Variants in GLIS3 observed in about 807,000 individuals in gnomAD.
GLIS3 encodes the protein zinc finger protein GLIS3.
A neutral mutation model predicts 78.6 loss-of-function variants in GLIS3; 53 were observed. That is an observed-to-expected ratio of 0.67 (90% CI 0.54 to 0.85). GLIS3 has a LOEUF of 0.85. GLIS3 is among the 40% of genes least tolerant of loss of function. The probability of loss-of-function intolerance (pLI) is 0.00; values close to 1 mark genes in which losing one functional copy is unlikely to be tolerated. For synonymous variants in GLIS3, 684 were observed against 509.9 expected (o/e 1.34, Z -4.60); for missense variants, 1,703 against 1,231.1 (o/e 1.38, Z -5.74).
At chr9:4,269,127 G>C (rs530574974) in intron 2 of GLIS3, among the ~76,000 whole-genome samples, 43 of 152,250 alleles carry the variant, frequency 2.8e-4, no homozygotes, top group Middle Eastern at 6.8e-3. Context: ...TGACAGACAA[G>C]ACAACTCCAA....
At chr9:4,468,565 C>G in the GLIS3 span, among the ~76,000 whole-genome samples, 3 of 152,282 alleles carry the variant, frequency 2.0e-5, no homozygotes, top group Admixed American at 6.5e-5. Context: ...AAATAAAATA[C>G]TTTACAGAAA....
intron 2 of GLIS3, among the ~76,000 whole-genome samples, chr9:4,315,488 AT>A (rs1395134347): frequency 1.3e-5 from 2 of 152,164 alleles, no homozygotes; most frequent in Non-Finnish European, 1.5e-5. Context: ...ATGAACCTCT[AT>A]TTTTTAAAGC....
chr9:4,106,329 C>T (rs888200395), intron 4 of GLIS3, among the ~76,000 whole-genome samples: 2 of 151,936 alleles, frequency 1.3e-5, no homozygotes, highest in African/African-American at 2.4e-5. Flanking sequence ...TTTTTATTGT[C>T]GCTCCTGATA....
At chr9:3,955,102 T>C (rs1193727641) in intron 4 of GLIS3, among the ~76,000 whole-genome samples, 1 of 152,192 alleles carries the variant, frequency 6.6e-6, no homozygotes, top group Non-Finnish European at 1.5e-5. Flanking sequence ...CTGGAGTTAG[T>C]GGCTGTGCCA....
the GLIS3 span, among the ~76,000 whole-genome samples, chr9:4,387,621 C>G: frequency 6.6e-6 from 1 of 152,092 alleles, no homozygotes; most frequent in Admixed American, 6.5e-5. Flanking sequence ...TATCCAGGGT[C>G]CCCATAAACC....
Position 3,996,173 on chromosome 9 carries a change from T to A in GLIS3, c.1711-58984A>T, listed in dbSNP as rs116081397. On this transcript the variant is annotated intron_variant, in intron 4 of 10. Transcript: ENST00000381971. The stretch of plus-strand genomic sequence containing the variant: ...ATTGCATGCAATTTACACATACCTT[T>A]CAAGAGCAAGAATGAAATAAAAATG... Among the ~76,000 whole-genome samples the A allele has an allele frequency of 7.5e-3, 1,147 of 152,086 alleles. 11 individuals carry two copies. Among genetic ancestry groups the A allele is most frequent in the African/African-American group, 0.025 (1,054 of 41,472 alleles).
At chr9:4,056,094 A>G (rs1247117429) in intron 4 of GLIS3, among the ~76,000 whole-genome samples, 1 of 152,220 alleles carries the variant, frequency 6.6e-6, no homozygotes, top group Non-Finnish European at 1.5e-5. Context: ...GGCATCATCC[A>G]GCCCCCATTT....
chr9:4,168,181 A>G (rs1816041969), intron 2 of GLIS3, among the ~76,000 whole-genome samples: 1 of 151,212 alleles, frequency 6.6e-6, no homozygotes. Flanking sequence ...TCTCTCTTAC[A>G]CACACACACA....
At chr9:3,970,380 ACT>A (rs750366526) in intron 4 of GLIS3, among the ~76,000 whole-genome samples, 6 of 152,120 alleles carry the variant, frequency 3.9e-5, no homozygotes, top group Non-Finnish European at 8.8e-5. Flanking sequence ...TTGACAGAAG[ACT>A]CTTGATAATT....
chr9:4,224,721 GT>G (rs5896053), intron 2 of GLIS3, among the ~76,000 whole-genome samples: 1,738 of 141,874 alleles, frequency 0.012, 31 homozygotes, highest in African/African-American at 0.036. Context: ...ATCTTTTTCT[GT>G]TTTTTTTTTT....
the GLIS3 span, among the ~76,000 whole-genome samples, chr9:4,355,354 G>C: frequency 2.0e-5 from 3 of 152,082 alleles, no homozygotes; most frequent in African/African-American, 7.2e-5. Context: ...GCTCATTTAG[G>C]CAATGCATAT....
chr9:3,988,849 G>C (rs1819987534), intron 4 of GLIS3, among the ~76,000 whole-genome samples: 1 of 152,066 alleles, frequency 6.6e-6, no homozygotes, highest in African/African-American at 2.4e-5. Context: ...TTAGGATTTA[G>C]AGTTAGGCAA....
chr9:3,939,623 G>A (rs1045883428), intron 4 of GLIS3, among the ~76,000 whole-genome samples: 30 of 152,020 alleles, frequency 2.0e-4, no homozygotes, highest in Admixed American at 1.5e-3. Flanking sequence ...AAGATTATCC[G>A]TAAAATAATC....
chr9:4,118,955 A>C lies in GLIS3; in HGVS notation c.597-74T>G. The C allele has an allele frequency of 7.6e-6, 11 of 1,449,208 alleles. No homozygotes were observed. Among genetic ancestry groups the C allele is most frequent in the Non-Finnish European group, 1.0e-5 (11 of 1,062,688 alleles). The allele number at this position is 1,449,208 out of a possible 1,614,324, so 89.8% of individuals were successfully genotyped here. ...CAGGATACGGATTGCTTAAGAGCTAAAAGAACACTGCATTGACAATCCCTT... is the reference window on the plus strand; with the variant it reads ...CAGGATACGGATTGCTTAAGAGCTACAAGAACACTGCATTGACAATCCCTT... On this transcript the variant is annotated intron_variant, in intron 3 of 10. Coordinates refer to ENST00000381971, the MANE Select transcript of GLIS3 (RefSeq NM_001042413.2). The surrounding 1 kb of genome is among the most constrained non-coding windows in gnomAD (Gnocchi z 4.7).
At chr9:4,146,993 C>T (rs575949430) in intron 2 of GLIS3, among the ~76,000 whole-genome samples, 38 of 152,290 alleles carry the variant, frequency 2.5e-4, no homozygotes, top group African/African-American at 8.9e-4. Flanking sequence ...AGATCTTATA[C>T]CAAATTAAAG....
chr9:3,843,706 A>G (rs2130100252), intron 9 of GLIS3, among the ~76,000 whole-genome samples: 1 of 152,326 alleles, frequency 6.6e-6, no homozygotes, highest in East Asian at 1.9e-4. Flanking sequence ...CCTCATGGGT[A>G]TTGACAAAAA....
intron 4 of GLIS3, among the ~76,000 whole-genome samples, chr9:4,066,451 G>C (rs1827104414): frequency 6.6e-6 from 1 of 152,116 alleles, no homozygotes; most frequent in Non-Finnish European, 1.5e-5. Flanking sequence ...GAGTATAAAA[G>C]CAACTTACCA....
chr9:4,448,968 T>C, the GLIS3 span, among the ~76,000 whole-genome samples: 1 of 152,152 alleles, frequency 6.6e-6, no homozygotes, highest in Admixed American at 6.5e-5. Context: ...TGGGACTGTT[T>C]GGACAGTGGG....
intron 2 of GLIS3, among the ~76,000 whole-genome samples, chr9:4,190,709 C>T (rs1818253562): frequency 6.6e-6 from 1 of 152,188 alleles, no homozygotes; most frequent in East Asian, 1.9e-4. Context: ...TCGAGAAGAG[C>T]AACTCCAAGA....
Sources: allele counts gnomAD v4.1 joint callset (sites outside exome capture counted in the v4.1 genomes callset), GRCh38; gene constraint gnomAD v4.1.1; non-coding constraint Gnocchi (gnomAD v3.1); transcripts MANE v1.5; gene names NCBI Gene and HGNC (gene_info 2026-07-23, HGNC 2026-07-21).